Variants in CTNNA3 observed in about 807,000 individuals in gnomAD.
CTNNA3 encodes the protein catenin alpha 3.
A neutral mutation model predicts 95.7 loss-of-function variants in CTNNA3; 76 were observed. That is an observed-to-expected ratio of 0.79 (90% CI 0.66 to 0.96). CTNNA3 has a LOEUF of 0.96. CTNNA3 is among the 40% of genes least tolerant of loss of function. The pLI is 0.00. For missense variants in CTNNA3, 1,191 were observed against 1,089.8 expected (o/e 1.09, Z -1.31); for synonymous variants, 431 against 374.4 (o/e 1.15, Z -1.74).
intron 1 of CTNNA3, among the ~76,000 whole-genome samples, chr10:67,675,581 G>A (rs1274461266): frequency 1.3e-5 from 2 of 152,116 alleles, no homozygotes; most frequent in Non-Finnish European, 2.9e-5. Context: ...ACATTCTAAT[G>A]GGCAAAGCAA....
chr10:67,474,455 G>T (rs947158797), intron 5 of CTNNA3, among the ~76,000 whole-genome samples: 1 of 152,122 alleles, frequency 6.6e-6, no homozygotes, highest in Non-Finnish European at 1.5e-5. Flanking sequence ...CTAAGGCTTT[G>T]GAAGAAACCA....
chr10:67,627,719 T>C (rs1294115011), intron 2 of CTNNA3, among the ~76,000 whole-genome samples: 1 of 152,020 alleles, frequency 6.6e-6, no homozygotes, highest in Non-Finnish European at 1.5e-5. Context: ...AGCAAAAAAC[T>C]GATGAAACAT....
intron 10 of CTNNA3, among the ~76,000 whole-genome samples, chr10:66,604,333 C>T (rs1350101937): frequency 6.6e-6 from 1 of 152,156 alleles, no homozygotes; most frequent in Non-Finnish European, 1.5e-5. Context: ...CATGCACATT[C>T]GCCAGCAGGG....
At chr10:66,511,472 C>CT (rs35110968) in intron 11 of CTNNA3, among the ~76,000 whole-genome samples, 39,591 of 147,812 alleles carry the variant, frequency 0.27, 5,605 homozygotes, top group South Asian at 0.38. Context: ...TATTTGAAAT[C>CT]TTTTTTTTTT....
At chr10:65,988,574 T>G (rs1254537791) in intron 16 of CTNNA3, 118 bp downstream of exon 16, 2 of 685,340 alleles carry the variant, frequency 2.9e-6, no homozygotes, top group African/African-American at 3.6e-5. Flanking sequence ...AGAAATTCAA[T>G]TATAATTTAG....
chr10:66,178,399 GTATATATATATATATATATATA>G (rs71035113), intron 13 of CTNNA3, among the ~76,000 whole-genome samples: 17,048 of 91,222 alleles, frequency 0.19, 1,933 homozygotes, highest in African/African-American at 0.35. Context: ...CCTTGAAAGT[GTATATATATATATATATATATA>G]TATATATATA....
intron 15 of CTNNA3, among the ~76,000 whole-genome samples, chr10:66,006,739 A>G (rs1379574510): frequency 6.6e-6 from 1 of 152,144 alleles, no homozygotes; most frequent in Non-Finnish European, 1.5e-5. Context: ...AAATAATCGC[A>G]TTCAATTTAG....
At chr10:66,883,653 G>T (rs1342851632) in intron 7 of CTNNA3, among the ~76,000 whole-genome samples, 2 of 152,102 alleles carry the variant, frequency 1.3e-5, no homozygotes, top group Admixed American at 1.3e-4. Flanking sequence ...TTTTCCCAAA[G>T]TCCTTAATTA....
At chr10:66,094,715 A>G (rs1369933826) in intron 14 of CTNNA3, among the ~76,000 whole-genome samples, 1 of 152,130 alleles carries the variant, frequency 6.6e-6, no homozygotes, top group Non-Finnish European at 1.5e-5. Context: ...TCTCTGACAA[A>G]TCTTTGTTTC....
At chr10:66,118,843 G>A (rs1186259262) in intron 13 of CTNNA3, among the ~76,000 whole-genome samples, 2 of 151,942 alleles carry the variant, frequency 1.3e-5, no homozygotes, top group Admixed American at 6.6e-5. Flanking sequence ...GCATCAGCTT[G>A]GTTTAATTGA....
At chr10:66,784,727 T>A (rs1262567235) in intron 7 of CTNNA3, among the ~76,000 whole-genome samples, 1 of 152,194 alleles carries the variant, frequency 6.6e-6, no homozygotes, top group Admixed American at 6.5e-5. Flanking sequence ...TGGCTCTGAA[T>A]AAAACCTCAC....
chr10:66,897,063 G>A (rs1339286136), intron 7 of CTNNA3, among the ~76,000 whole-genome samples: 2 of 152,110 alleles, frequency 1.3e-5, no homozygotes, highest in African/African-American at 2.4e-5. Flanking sequence ...CTCAGCAAAA[G>A]TTTATTGAAT....
intron 10 of CTNNA3, among the ~76,000 whole-genome samples, chr10:66,603,294 A>G (rs1006457716): frequency 1.3e-5 from 2 of 152,158 alleles, no homozygotes; most frequent in Non-Finnish European, 2.9e-5. Flanking sequence ...GCAAACTAAC[A>G]GTGATCAATC....
intron 2 of CTNNA3, among the ~76,000 whole-genome samples, chr10:67,614,034 C>A (rs1401358983): frequency 6.6e-6 from 1 of 152,186 alleles, no homozygotes; most frequent in Non-Finnish European, 1.5e-5. Context: ...GAAAGAACAA[C>A]ACTTCCACAG....
intron 12 of CTNNA3, among the ~76,000 whole-genome samples, chr10:66,318,059 C>T (rs1225211079): frequency 6.6e-6 from 1 of 151,904 alleles, no homozygotes; most frequent in African/African-American, 2.4e-5. Context: ...TTTAAAATAA[C>T]CTTCAGAGCC....
At chr10:66,360,348 T>C (rs2092644661) in intron 12 of CTNNA3, among the ~76,000 whole-genome samples, 1 of 152,110 alleles carries the variant, frequency 6.6e-6, no homozygotes, top group Non-Finnish European at 1.5e-5. Context: ...ATCATTTGTA[T>C]ATCTTCATTG....
At chr10:67,174,015 T>G (rs774841661) in intron 7 of CTNNA3, among the ~76,000 whole-genome samples, 9 of 152,346 alleles carry the variant, frequency 5.9e-5, no homozygotes, top group Middle Eastern at 3.4e-3. Flanking sequence ...ACCTCTGTAT[T>G]GCTCTCTGCT....
Position 65,918,268 on chromosome 10 carries a change from A to G in CTNNA3, c.*2062T>C, listed in dbSNP as rs548394057. The G allele has an allele frequency of 1.1e-4, 17 of 152,318 alleles. No homozygotes were observed. The South Asian group carries it at 3.1e-3, about 28-fold the overall frequency. The allele number at this position is 152,318 out of a possible 1,614,324, so 9.4% of individuals were successfully genotyped here. ...GGGTCCGGTGGACATTAGATTTTCT[A>G]AATGAGATGCTTATGATTCTTGTGA... On this transcript the variant is annotated 3_prime_UTR_variant, in exon 18 of 18. Coordinates refer to ENST00000433211, the MANE Select transcript of CTNNA3 (RefSeq NM_013266.4).
At chr10:66,385,298 G>T (rs2092879996) in intron 11 of CTNNA3, among the ~76,000 whole-genome samples, 2 of 152,242 alleles carry the variant, frequency 1.3e-5, no homozygotes, top group African/African-American at 2.4e-5. Flanking sequence ...TACCATCAGA[G>T]AATACTATAA....
Sources: gnomAD v4.1 joint callset for allele counts (sites outside exome capture counted in the v4.1 genomes callset) on GRCh38, gnomAD v4.1.1 for gene constraint, MANE v1.5 for transcripts, NCBI Gene and HGNC (gene_info 2026-07-23, HGNC 2026-07-21) for gene names.